Variants in TMEM171 observed in about 807,000 individuals in gnomAD.
The protein encoded by TMEM171 is transmembrane protein 171.
In TMEM171, 16 loss-of-function variants were observed where a neutral mutation model predicts 19.1. The observed-to-expected ratio is 0.84, with a 90% confidence interval of 0.57 to 1.27. The LOEUF is 1.27. TMEM171 is among the 50% of genes most tolerant of loss of function. The probability of loss-of-function intolerance (pLI) is 0.00; values close to 1 mark genes in which losing one functional copy is unlikely to be tolerated. For missense variants in TMEM171, 429 were observed against 412.7 expected (o/e 1.04, Z -0.34); for synonymous variants, 153 against 163.4 (o/e 0.94, Z 0.48).
At chr5:73,122,020 T>C (rs995584571) in intron 1 of TMEM171, among the ~76,000 whole-genome samples, 31 of 152,240 alleles carry the variant, frequency 2.0e-4, no homozygotes, top group African/African-American at 6.5e-4. Context: ...CTGTGTAAGC[T>C]AGACAACTCT....
At chr5:73,125,559 C>T (rs1744140444) in intron 2 of TMEM171, among the ~76,000 whole-genome samples, 1 of 152,182 alleles carries the variant, frequency 6.6e-6, no homozygotes, top group Non-Finnish European at 1.5e-5. Flanking sequence ...CCAAGTGTTC[C>T]TGGAAGTTAT....
chr5:73,129,362 T>A (rs1744271789), intron 3 of TMEM171, among the ~76,000 whole-genome samples: 1 of 152,192 alleles, frequency 6.6e-6, no homozygotes, highest in African/African-American at 2.4e-5. Context: ...AAAGTTGTTG[T>A]CCTATGCAAA....
rs1744056146 is a variant in TMEM171, at chr5:73,123,393, C to T, written c.20C>T (p.Ala7Val). 6.2e-7 allele frequency: 1 copy of T among 1,613,104 alleles called. No individual in the cohort carries two copies. The highest frequency in any genetic ancestry group is 2.2e-5 in the East Asian group (1 of 44,870). ...CTGGACATGTCTCCTGCAGCTGCTG[C>T]TGAGCCAGATGGGGACCAGCAGGAC... MSPAAA[A>V]EPDGDQQDRH... The change falls in exon 2 of 4, where the codon GCT becomes GTT. Residue 7 changes from alanine to valine, a missense_variant. Transcript: ENST00000454765.
At chr5:73,124,512 T>C (rs513130) in intron 2 of TMEM171, among the ~76,000 whole-genome samples, 71,980 of 152,076 alleles carry the variant, frequency 0.47, 19,091 homozygotes, top group African/African-American at 0.72. Context: ...CTCTATAAAA[T>C]GAGCAGTGCC....
Position 73,123,606 on chromosome 5 carries a change from G to A in TMEM171, c.233G>A (p.Arg78His), listed in dbSNP as rs151305324. ...GGGCTTGGGGCTGTGATCCTGGCCC[G>A]CTCCCGGGCGCAACTTCAGCTCCGT... ...VVGLGAVILARSRAQLQLRAG... is the reference protein window; with the variant it reads ...VVGLGAVILAHSRAQLQLRAG... Residue 78 changes from arginine (R) to histidine (H), a missense_variant, in exon 2 of 4, where the codon CGC becomes CAC. Transcript: ENST00000454765. 61 of 1,614,212 alleles carry A rather than the reference G, an allele frequency of 3.8e-5. No homozygotes were observed. Among genetic ancestry groups the A allele is most frequent in the Middle Eastern group, 3.3e-4 (2 of 6,062 alleles).
At position 73,123,346 on chromosome 5, in the gene TMEM171, TGCCTCCGG is replaced by T. The variant is rs1364676080; in HGVS notation, c.-26_-19del. ...GGAGGGAAGAAAACACATCCCACCC[TGCCTCCGG>T]GAAGGGGCCTCTCCTGGACATGTCT... On this transcript the variant is annotated 5_prime_UTR_variant, in exon 2 of 4. Transcript: ENST00000454765. 1 of 1,581,320 alleles carries T rather than the reference TGCCTCCGG, an allele frequency of 6.3e-7. No homozygotes were observed. Among genetic ancestry groups the T allele is most frequent in the East Asian group, 2.3e-5 (1 of 44,396 alleles).
At chr5:73,127,382 A>ATATATATATATATATATATATATAT (rs879892153) in intron 2 of TMEM171, among the ~76,000 whole-genome samples, 15 of 68,278 alleles carry the variant, frequency 2.2e-4, no homozygotes, top group African/African-American at 9.7e-4. Flanking sequence ...AAAAAAAAAA[A>ATATATATATATATATATATATATAT]AAATATATAT....
intron 2 of TMEM171, 60 bp downstream of exon 2, chr5:73,124,073 C>T: frequency 7.2e-7 from 1 of 1,392,076 alleles, no homozygotes; most frequent in Non-Finnish European, 9.7e-7. Flanking sequence ...CAGGGTTTCA[C>T]CAGCTGCTCT....
At chr5:73,129,738 A>C (rs1462953537) in intron 3 of TMEM171, among the ~76,000 whole-genome samples, 1 of 152,138 alleles carries the variant, frequency 6.6e-6, no homozygotes, top group Non-Finnish European at 1.5e-5. Context: ...GATCATGGAG[A>C]GGTGTGAGGG....
chr5:73,122,618 C>T (rs549374557), intron 1 of TMEM171, among the ~76,000 whole-genome samples: 4 of 152,122 alleles, frequency 2.6e-5, no homozygotes, highest in Admixed American at 6.5e-5. Context: ...AGGCTGGTCT[C>T]GAACTCCTGA....
chr5:73,122,348 C>T (rs960752099), intron 1 of TMEM171, among the ~76,000 whole-genome samples: 4 of 152,164 alleles, frequency 2.6e-5, no homozygotes, highest in African/African-American at 9.7e-5. Flanking sequence ...AGGGTCATCC[C>T]AGATCCAAGC....
chr5:73,123,196 C>G (rs1359701539), intron 1 of TMEM171, 110 bp from the exon 2 acceptor site: 15 of 892,368 alleles, frequency 1.7e-5, no homozygotes, highest in South Asian at 4.0e-5. Context: ...GTATAAAGTT[C>G]TACCCCCAAG....
At chr5:73,129,011 T>C (rs1744263170) in intron 3 of TMEM171, among the ~76,000 whole-genome samples, 1 of 152,212 alleles carries the variant, frequency 6.6e-6, no homozygotes, top group Non-Finnish European at 1.5e-5. Context: ...GAGGATCGAT[T>C]GAACGCAAGA....
intron 2 of TMEM171, among the ~76,000 whole-genome samples, chr5:73,126,235 G>A (rs1744160244): frequency 6.6e-6 from 1 of 152,182 alleles, no homozygotes; most frequent in African/African-American, 2.4e-5. Flanking sequence ...ATTCTACAGT[G>A]TGTAATGGAA....
At chr5:73,127,384 A>AAAATATATATATATAT in intron 2 of TMEM171, among the ~76,000 whole-genome samples, 6 of 81,682 alleles carry the variant, frequency 7.3e-5, no homozygotes, top group African/African-American at 3.3e-4. Flanking sequence ...AAAAAAAAAA[A>AAAATATATATATATAT]ATATATATAT....
In TMEM171 at chr5:73,131,569, G is replaced by C. The variant is rs1423375665; in HGVS notation, c.814G>C (p.Glu272Gln). ...CCCAACTTCAGAGGGTGCAGCCTCTGAAAGAGACTGTGAATCTATATATAC... is the reference window on the plus strand; with the variant it reads ...CCCAACTTCAGAGGGTGCAGCCTCTCAAAGAGACTGTGAATCTATATATAC... ...RTPTSEGAAS[E>Q]RDCESIYTIS... The change falls in exon 4 of 4, where the codon GAA (glutamate) becomes CAA (glutamine). Residue 272 changes from glutamate (E) to glutamine (Q), a missense_variant. Coordinates refer to ENST00000454765, the MANE Select transcript of TMEM171 (RefSeq NM_173490.8). 6.2e-7 allele frequency: 1 copy of C among 1,610,926 alleles called. No homozygotes were observed. The highest frequency in any genetic ancestry group is 1.3e-5 in the African/African-American group (1 of 74,838).
intron 3 of TMEM171, among the ~76,000 whole-genome samples, chr5:73,128,814 C>T (rs182847410): frequency 2.2e-4 from 33 of 152,226 alleles, no homozygotes; most frequent in Admixed American, 5.9e-4. Context: ...CAACCCTTGC[C>T]GGGTGCTGTG....
chr5:73,128,990 G>A (rs1744262283), intron 3 of TMEM171, among the ~76,000 whole-genome samples: 1 of 152,208 alleles, frequency 6.6e-6, no homozygotes, highest in South Asian at 2.1e-4. Context: ...CTACTCGGGA[G>A]GCTGAGGCAT....
intron 2 of TMEM171, among the ~76,000 whole-genome samples, chr5:73,126,407 A>G (rs901199335): frequency 6.6e-6 from 1 of 152,158 alleles, no homozygotes; most frequent in African/African-American, 2.4e-5. Flanking sequence ...GAATTAATGC[A>G]TTTTCTGAAG....
Sources: gnomAD v4.1 joint callset for allele counts (sites outside exome capture counted in the v4.1 genomes callset) on GRCh38, gnomAD v4.1.1 for gene constraint, MANE v1.5 for transcripts, NCBI Gene and HGNC (gene_info 2026-07-23, HGNC 2026-07-21) for gene names.